Variants in TENM2 observed in about 807,000 individuals in gnomAD.
TENM2 encodes the protein teneurin transmembrane protein 2, also known as teneurin-2.
TENM2 carries 52 observed loss-of-function variants against 245.2 expected under a neutral mutation model. The observed-to-expected ratio is 0.21, with a 90% CI of 0.17 to 0.27. The LOEUF (loss-of-function observed/expected upper bound fraction) is 0.27, where lower values mean the gene tolerates loss of function less well. Among genes scored for constraint, TENM2 ranks in the 10% least tolerant of loss-of-function variants. TENM2 has a pLI of 1.00. For synonymous variants in TENM2, 1,363 were observed against 1,438.9 expected, an observed-to-expected ratio of 0.95 and a Z score of 1.19; for missense variants, 3,046 against 3,666.8, an observed-to-expected ratio of 0.83 and a Z score of 4.37.
the TENM2 span, among the ~76,000 whole-genome samples, chr5:167,251,552 G>A: frequency 6.6e-6 from 1 of 152,138 alleles, no homozygotes; most frequent in Non-Finnish European, 1.5e-5. Context: ...CACAAGCTAA[G>A]GCATTCTTGC....
intron 13 of TENM2, chr5:168,186,110 C>A (rs1408849449): frequency 6.6e-6 from 1 of 151,800 alleles, no homozygotes; most frequent in Non-Finnish European, 1.5e-5. Context: ...AGGCTGATTA[C>A]CTTTCCAAGC....
intron 2 of TENM2, among the ~76,000 whole-genome samples, chr5:167,823,492 G>A (rs915137608): frequency 6.6e-6 from 1 of 152,076 alleles, no homozygotes; most frequent in African/African-American, 2.4e-5. Context: ...ATTGCCTCCT[G>A]CACCATTTCT....
intron 13 of TENM2, among the ~76,000 whole-genome samples, chr5:168,174,766 A>G (rs944380917): frequency 1.3e-5 from 2 of 152,208 alleles, no homozygotes; most frequent in African/African-American, 4.8e-5. Context: ...TCATTAGCAT[A>G]TGGACCTTGG....
the TENM2 span, among the ~76,000 whole-genome samples, chr5:167,111,758 G>A: frequency 6.6e-6 from 1 of 152,188 alleles, no homozygotes; most frequent in Non-Finnish European, 1.5e-5. Flanking sequence ...TCATTTTACA[G>A]TAGATTAGGT....
intron 13 of TENM2, among the ~76,000 whole-genome samples, chr5:168,167,469 A>G (rs150020180): frequency 4.6e-5 from 7 of 152,172 alleles, no homozygotes; most frequent in African/African-American, 1.7e-4. Flanking sequence ...GTGGAATCCT[A>G]TGAGATGCTT....
the TENM2 span, among the ~76,000 whole-genome samples, chr5:167,070,178 C>T: frequency 6.7e-6 from 1 of 149,090 alleles, no homozygotes; most frequent in Admixed American, 6.7e-5. Flanking sequence ...AGTGCAGGGG[C>T]GCGATCTCGG....
chr5:167,843,064 G>A (rs1769698342), intron 2 of TENM2, among the ~76,000 whole-genome samples: 1 of 152,124 alleles, frequency 6.6e-6, no homozygotes, highest in South Asian at 2.1e-4. Context: ...CCCAACTCTA[G>A]GGTCCGTGAA....
At chr5:167,011,365 G>A in the TENM2 span, among the ~76,000 whole-genome samples, 1 of 152,202 alleles carries the variant, frequency 6.6e-6, no homozygotes, top group Non-Finnish European at 1.5e-5. Flanking sequence ...CAGCCAAGCT[G>A]TGGGTCATAA....
chr5:167,338,227 C>A (rs1757892111), intron 1 of TENM2, among the ~76,000 whole-genome samples: 2 of 152,188 alleles, frequency 1.3e-5, no homozygotes, highest in Admixed American at 1.3e-4. Context: ...TACCCTCTAC[C>A]CACAGGACTA....
At chr5:167,423,690 C>A (rs1292509170) in intron 2 of TENM2, among the ~76,000 whole-genome samples, 1 of 152,166 alleles carries the variant, frequency 6.6e-6, no homozygotes, top group African/African-American at 2.4e-5. Context: ...TCCAGGACTT[C>A]TTTAAGCATT....
chr5:167,240,129 T>A, the TENM2 span, among the ~76,000 whole-genome samples: 37 of 152,358 alleles, frequency 2.4e-4, no homozygotes, highest in Non-Finnish European at 4.3e-4. Flanking sequence ...AAATACTTTT[T>A]CATAAGCTTG....
chr5:167,157,559 A>T, the TENM2 span, among the ~76,000 whole-genome samples: 1 of 152,012 alleles, frequency 6.6e-6, no homozygotes, highest in Non-Finnish European at 1.5e-5. Context: ...TAGACGTGTA[A>T]GTTCCCTCCA....
chr5:167,548,978 ATTC>A (rs2127618062), intron 2 of TENM2, among the ~76,000 whole-genome samples: 2 of 152,324 alleles, frequency 1.3e-5, no homozygotes, highest in South Asian at 4.1e-4. Context: ...ACAAGAATAG[ATTC>A]TTAATCCTTA....
At chr5:167,047,457 A>C in the TENM2 span, among the ~76,000 whole-genome samples, 1 of 76,410 alleles carries the variant, frequency 1.3e-5, no homozygotes, top group Non-Finnish European at 4.1e-5. Flanking sequence ...TATGTCCTAG[A>C]GATGGTTTAT....
intron 3 of TENM2, among the ~76,000 whole-genome samples, chr5:167,900,325 G>A (rs1195849061): frequency 3.9e-5 from 6 of 152,034 alleles, no homozygotes; most frequent in African/African-American, 7.2e-5. Flanking sequence ...TGAAACCACC[G>A]TCAGTTATGT....
At chr5:168,251,451 G>A (rs2152700828) in intron 27 of TENM2, among the ~76,000 whole-genome samples, 1 of 152,272 alleles carries the variant, frequency 6.6e-6, no homozygotes, top group Admixed American at 6.5e-5. Context: ...CTAAAATAAA[G>A]GGTGGTGTCA....
At chr5:167,344,339 G>A (rs1327891258) in intron 1 of TENM2, among the ~76,000 whole-genome samples, 6 of 128,970 alleles carry the variant, frequency 4.7e-5, no homozygotes, top group African/African-American at 1.8e-4. Context: ...TAGATATATT[G>A]CAGAGATATG....
chr5:167,417,635 T>G (rs936405779), intron 2 of TENM2, among the ~76,000 whole-genome samples: 4 of 152,174 alleles, frequency 2.6e-5, no homozygotes, highest in Non-Finnish European at 5.9e-5. Context: ...AGTTTAAGCA[T>G]CATGGCATTC....
At chr5:168,020,606 T>C (rs1786055668) in intron 5 of TENM2, among the ~76,000 whole-genome samples, 2 of 152,196 alleles carry the variant, frequency 1.3e-5, no homozygotes, top group African/African-American at 4.8e-5. Flanking sequence ...TGAAGACGGT[T>C]GCGTCTTCAC....
Sources: allele counts gnomAD v4.1 joint callset (sites outside exome capture counted in the v4.1 genomes callset), GRCh38; gene constraint gnomAD v4.1.1; transcripts MANE v1.5; gene names NCBI Gene and HGNC (gene_info 2026-07-23, HGNC 2026-07-21).